Variants in KAT6B observed in about 807,000 individuals in gnomAD.
KAT6B encodes lysine acetyltransferase 6B.
KAT6B carries 10 observed loss-of-function variants against 187.5 expected under a neutral mutation model. The ratio of observed to expected loss-of-function variants is 0.05; its 90% CI spans 0.03 to 0.09. KAT6B has a LOEUF of 0.09. KAT6B is among the 10% of genes least tolerant of loss of function. The pLI, the probability that KAT6B is intolerant of heterozygous loss-of-function variation, is 1.00. For synonymous variants in KAT6B, 861 were observed against 926.8 expected (o/e 0.93, Z 1.29); for missense variants, 1,952 against 2,558.9 (o/e 0.76, Z 5.12).
chr10:74,860,178 G>T (rs183281399), intron 3 of KAT6B, among the ~76,000 whole-genome samples: 24 of 152,036 alleles, frequency 1.6e-4, no homozygotes, highest in African/African-American at 5.8e-4. Context: ...TGTATCTTGT[G>T]GAAAGTGCCT....
Position 74,843,161 on chromosome 10 carries a change from C to A in KAT6B, c.304C>A (p.Leu102Ile), listed in dbSNP as rs1206614644. 1 of 1,614,174 alleles carries A rather than the reference C, an allele frequency of 6.2e-7. No homozygotes were observed. The highest frequency in any genetic ancestry group is 1.7e-5 in the Admixed American group (1 of 60,014). The change falls in exon 3 of 18, where the codon CTC becomes ATC. Residue 102 changes from leucine (L) to isoleucine (I), a missense_variant. Coordinates refer to ENST00000287239, the MANE Select transcript of KAT6B (RefSeq NM_012330.4). ...GGGGTCTAGAGGATCATGTAATGAT[C>A]TCCGCAATGTGGATTGGAATAAACT... ...AKGSRGSCNDLRNVDWNKLLR... is the reference protein window; with the variant it reads ...AKGSRGSCNDIRNVDWNKLLR...
intron 3 of KAT6B, among the ~76,000 whole-genome samples, chr10:74,951,008 A>T (rs1015096966): frequency 6.6e-6 from 1 of 152,132 alleles, no homozygotes; most frequent in Non-Finnish European, 1.5e-5. Context: ...AATTGAATAG[A>T]TTGAAATGAA....
At chr10:74,918,941 T>C (rs1847911060) in intron 3 of KAT6B, among the ~76,000 whole-genome samples, 1 of 151,456 alleles carries the variant, frequency 6.6e-6, no homozygotes, top group Non-Finnish European at 1.5e-5. Flanking sequence ...CTCTGGGCCG[T>C]GCATGGTGGC....
At chr10:74,910,099 G>A (rs1409271059) in intron 3 of KAT6B, among the ~76,000 whole-genome samples, 1 of 150,394 alleles carries the variant, frequency 6.6e-6, no homozygotes, top group Non-Finnish European at 1.5e-5. Context: ...AGACCAGCCT[G>A]GCCAACATGG....
intron 3 of KAT6B, among the ~76,000 whole-genome samples, chr10:74,897,094 G>C (rs1846045120): frequency 2.6e-5 from 4 of 152,134 alleles, no homozygotes; most frequent in Admixed American, 2.6e-4. Flanking sequence ...ATGCCATACT[G>C]GGATTCTATT....
At chr10:74,969,628 C>A in intron 4 of KAT6B, 32 bp from the exon 5 acceptor site, 1 of 1,294,412 alleles carries the variant, frequency 7.7e-7, no homozygotes, top group Non-Finnish European at 1.1e-6. Flanking sequence ...AGGCACCATT[C>A]CCATCAAGCA....
At chr10:74,908,732 C>T (rs1426497650) in intron 3 of KAT6B, among the ~76,000 whole-genome samples, 1 of 152,128 alleles carries the variant, frequency 6.6e-6, no homozygotes, top group African/African-American at 2.4e-5. Context: ...CTCTGCTTTT[C>T]CAGCTCATAT....
At chr10:74,847,817 G>C (rs543641024) in intron 3 of KAT6B, among the ~76,000 whole-genome samples, 3 of 151,796 alleles carry the variant, frequency 2.0e-5, no homozygotes, top group African/African-American at 7.3e-5. Flanking sequence ...CTTAGCCCGG[G>C]ATCCACAAAT....
intron 13 of KAT6B, among the ~76,000 whole-genome samples, chr10:74,997,127 C>G (rs1027765312): frequency 2.8e-4 from 43 of 151,764 alleles, no homozygotes; most frequent in African/African-American, 1.0e-3. Context: ...TCTGGCAGGC[C>G]GAGACAGGAG....
chr10:74,899,248 AATTATTATTATTATTATTATTATT>A (rs67324777), intron 3 of KAT6B, among the ~76,000 whole-genome samples: 2 of 142,334 alleles, frequency 1.4e-5, no homozygotes, highest in African/African-American at 5.1e-5. Flanking sequence ...ATTCTAAATG[AATTATTATTATTATTATTATTATT>A]ATTATTATTA....
At chr10:75,000,183 CT>C (rs1204412941) in intron 13 of KAT6B, among the ~76,000 whole-genome samples, 1 of 144,996 alleles carries the variant, frequency 6.9e-6, no homozygotes, top group Non-Finnish European at 1.5e-5. Context: ...TTTTTTTTTT[CT>C]TTTTTTAAAA....
intron 10 of KAT6B, 53 bp downstream of exon 10, chr10:74,979,392 A>G: frequency 1.6e-6 from 2 of 1,259,752 alleles, no homozygotes; most frequent in Non-Finnish European, 1.2e-6. Context: ...TATGTGAGAA[A>G]GGAAAATTCT....
At chr10:74,921,629 T>C (rs1848143422) in intron 3 of KAT6B, among the ~76,000 whole-genome samples, 1 of 152,154 alleles carries the variant, frequency 6.6e-6, no homozygotes, top group Non-Finnish European at 1.5e-5. Flanking sequence ...CCTATTACAG[T>C]CTCATTCCCT....
rs559247566 is a variant in KAT6B, at chr10:75,002,700, T to C, written c.2629+13588T>C. On this transcript the variant is annotated intron_variant, in intron 13 of 17. Transcript: ENST00000287239. ...AATGGTATTTTTGTATCTAAACATA[T>C]CTAAATATAGAAAAGGTACAGTAAA... Among the ~76,000 whole-genome samples, 31 of 152,322 alleles carry C rather than the reference T, an allele frequency of 2.0e-4. No individual in the cohort carries two copies. The Middle Eastern group carries it at 0.01, about 50-fold the overall frequency.
At position 74,870,071 on chromosome 10, in the gene KAT6B, G is replaced by A. The variant is rs543446344; in HGVS notation, c.621+26593G>A. On this transcript the variant is annotated intron_variant, in intron 3 of 17. Coordinates refer to ENST00000287239, the MANE Select transcript of KAT6B (RefSeq NM_012330.4). ...GAGGCAGGAGGATCAGTTGAGTCCG[G>A]GAGTTTGAGAACAGCTTGGGCAACT... 5.9e-5 allele frequency among the ~76,000 whole-genome samples: 9 copies of A among 152,006 alleles called. No individual in the cohort carries two copies. The East Asian group carries it at 1.7e-3, about 29-fold the overall frequency.
intron 3 of KAT6B, among the ~76,000 whole-genome samples, chr10:74,878,308 A>C (rs1214207009): frequency 5.3e-5 from 8 of 152,220 alleles, no homozygotes; most frequent in Admixed American, 5.2e-4. Flanking sequence ...CAGCGTGGTC[A>C]GCCAGGGAGA....
At chr10:75,024,900 G>T in intron 16 of KAT6B, 58 bp from the exon 17 acceptor site, 1 of 1,523,370 alleles carries the variant, frequency 6.6e-7, no homozygotes, top group South Asian at 1.1e-5. Flanking sequence ...ACTGCATATC[G>T]ACTCAACCAT....
chr10:74,942,072 C>G (rs1421816720), intron 3 of KAT6B, among the ~76,000 whole-genome samples: 2 of 152,160 alleles, frequency 1.3e-5, no homozygotes, highest in Admixed American at 1.3e-4. Context: ...ATCACTTGAA[C>G]CTGGGAGGCG....
chr10:74,854,150 G>A (rs181879752), intron 3 of KAT6B, among the ~76,000 whole-genome samples: 2 of 152,256 alleles, frequency 1.3e-5, no homozygotes, highest in East Asian at 1.9e-4. Flanking sequence ...ACATCAATTA[G>A]CTCACCAAAT....
Sources: gnomAD v4.1 joint callset for allele counts (sites outside exome capture counted in the v4.1 genomes callset) on GRCh38, gnomAD v4.1.1 for gene constraint, MANE v1.5 for transcripts, NCBI Gene and HGNC (gene_info 2026-07-23, HGNC 2026-07-21) for gene names.